The following ABCB1 variants were observed in gnomAD, a reference collection of about 807,000 sequenced individuals.
The protein encoded by ABCB1 is ATP binding cassette subfamily B member 1.
Under a neutral mutation model 142.0 loss-of-function variants are expected in ABCB1, and 69 were observed. The observed-to-expected ratio is 0.49, with a 90% CI of 0.40 to 0.59. The LOEUF is 0.59. ABCB1 is among the 20% of genes least tolerant of loss of function. The probability of loss-of-function intolerance (pLI) is 0.00; values close to 1 mark genes in which losing one functional copy is unlikely to be tolerated. For synonymous variants in ABCB1, 532 were observed against 539.2 expected, an observed-to-expected ratio of 0.99 and a Z score of 0.18; for missense variants, 1,326 against 1,554.7, an observed-to-expected ratio of 0.85 and a Z score of 2.47.
intron 2 of ABCB1, 146 bp from the exon 3 acceptor site, chr7:87,595,960 T>A (rs530573085): frequency 1.2e-4 from 80 of 656,184 alleles, no homozygotes; most frequent in Non-Finnish European, 2.0e-4. Context: ...ATGATAATAG[T>A]ATGACCCCAT....
At chr7:87,662,823 A>G (rs1259179292) in intron 1 of ABCB1, among the ~76,000 whole-genome samples, 1 of 152,140 alleles carries the variant, frequency 6.6e-6, no homozygotes, top group Non-Finnish European at 1.5e-5. Context: ...ATTGCATTGA[A>G]TATGTATACT....
At chr7:87,628,970 ACCAGCCT>A (rs778655963) in intron 1 of ABCB1, 1 of 1,306,982 alleles carries the variant, frequency 7.7e-7, no homozygotes, top group Admixed American at 3.1e-5. Flanking sequence ...GGCGAGGGGA[ACCAGCCT>A]CCCGCCGGGG....
At chr7:87,640,209 T>TA (rs1227129881) in intron 1 of ABCB1, among the ~76,000 whole-genome samples, 1 of 149,548 alleles carries the variant, frequency 6.7e-6, no homozygotes, top group African/African-American at 2.4e-5. Context: ...TATATATATA[T>TA]TAAATCTTAC....
intron 1 of ABCB1, among the ~76,000 whole-genome samples, chr7:87,684,072 A>G (rs1827203803): frequency 1.3e-5 from 2 of 152,226 alleles, no homozygotes; most frequent in Non-Finnish European, 2.9e-5. Flanking sequence ...ATAGAAAAGC[A>G]TTTGACAAAA....
chr7:87,656,984 T>C (rs573501322), intron 1 of ABCB1, among the ~76,000 whole-genome samples: 29 of 152,286 alleles, frequency 1.9e-4, no homozygotes, highest in Admixed American at 2.6e-4. Flanking sequence ...TCATAGCTTC[T>C]ATCATATCAA....
At chr7:87,634,323 A>C (rs1821526034) in intron 1 of ABCB1, among the ~76,000 whole-genome samples, 1 of 152,164 alleles carries the variant, frequency 6.6e-6, no homozygotes, top group African/African-American at 2.4e-5. Flanking sequence ...AATCCTTTAA[A>C]GAACTTTAAA....
At chr7:87,560,371 C>G (rs192912642) in intron 8 of ABCB1, among the ~76,000 whole-genome samples, 179 of 152,214 alleles carry the variant, frequency 1.2e-3, no homozygotes, top group African/African-American at 4.1e-3. Context: ...CACATATGCA[C>G]AGTTAAAAAA....
intron 24 of ABCB1, among the ~76,000 whole-genome samples, chr7:87,515,768 T>A (rs949535859): frequency 2.0e-5 from 3 of 151,736 alleles, no homozygotes; most frequent in Non-Finnish European, 2.9e-5. Flanking sequence ...TCTTTTTTTT[T>A]TTATTTTTAT....
At chr7:87,627,311 A>G (rs1175618755) in intron 1 of ABCB1, among the ~76,000 whole-genome samples, 1 of 152,232 alleles carries the variant, frequency 6.6e-6, no homozygotes, top group African/African-American at 2.4e-5. Context: ...AAAACTATAT[A>G]TTCTCTGACA....
rs1584911855 is a variant in ABCB1 at position 87,596,589 on chromosome 7, A to G, written c.69-775T>C. ...ATGTGAAAGCAAACCAACCGTAACA[A>G]ATCTGCCTCATCTGTATTTTTGTAG... On this transcript the variant is annotated intron_variant, in intron 2 of 27. Transcript: ENST00000622132. 6.6e-6 allele frequency among the ~76,000 whole-genome samples: 1 copy of G among 152,060 alleles called. No homozygotes were observed. The highest frequency in any genetic ancestry group is 1.5e-5 in the Non-Finnish European group (1 of 67,950).
intron 13 of ABCB1, 51 bp from the exon 14 acceptor site, chr7:87,549,569 T>C (rs1378203178): frequency 6.2e-7 from 1 of 1,613,298 alleles, no homozygotes; most frequent in Admixed American, 1.7e-5. Flanking sequence ...CTATCTCAGC[T>C]CATATTTTAA....
intron 1 of ABCB1, among the ~76,000 whole-genome samples, chr7:87,651,702 T>C (rs984775765): frequency 6.6e-6 from 1 of 152,134 alleles, no homozygotes; most frequent in South Asian, 2.1e-4. Context: ...ACATAACTTA[T>C]GAGCATCTCA....
intron 20 of ABCB1, among the ~76,000 whole-genome samples, chr7:87,533,376 C>A (rs1816146789): frequency 3.9e-5 from 6 of 152,056 alleles, no homozygotes. Context: ...AATTACCTGG[C>A]TATTTAACTT....
chr7:87,521,790 T>C (rs2117101246), intron 21 of ABCB1: 1 of 795,914 alleles, frequency 1.3e-6, no homozygotes, highest in Non-Finnish European at 2.2e-6. Flanking sequence ...AGATATTTGT[T>C]GGTGGCATTA....
intron 1 of ABCB1, among the ~76,000 whole-genome samples, chr7:87,680,556 G>A (rs1480690824): frequency 1.3e-5 from 2 of 150,778 alleles, no homozygotes; most frequent in Non-Finnish European, 2.9e-5. Flanking sequence ...ACTTAGGGAG[G>A]CCAAGGCGAG....
intron 18 of ABCB1, 70 bp downstream of exon 18, chr7:87,541,287 T>C (rs1232520769): frequency 9.3e-7 from 1 of 1,079,418 alleles, no homozygotes; most frequent in Non-Finnish European, 1.4e-6. Context: ...TACACTGATG[T>C]TTATAAATCC....
chr7:87,656,227 A>C (rs1326627586), intron 1 of ABCB1, among the ~76,000 whole-genome samples: 1 of 152,150 alleles, frequency 6.6e-6, no homozygotes, highest in African/African-American at 2.4e-5. Context: ...CATGTATATC[A>C]TATATACAAT....
At chr7:87,675,653 C>CAAAAAAAAAAAAAAAAAAAAGAA (rs200136132) in intron 1 of ABCB1, among the ~76,000 whole-genome samples, 1 of 65,848 alleles carries the variant, frequency 1.5e-5, no homozygotes. Context: ...TATTCACATG[C>CAAAAAAAAAAAAAAAAAAAAGAA]AAAAAAAAAA....
chr7:87,617,376 A>T (rs898135453), intron 1 of ABCB1, among the ~76,000 whole-genome samples: 3 of 152,256 alleles, frequency 2.0e-5, no homozygotes, highest in African/African-American at 7.2e-5. Context: ...CCCATATATT[A>T]TAAAGGAGAT....
Sources: gnomAD v4.1 joint callset for allele counts (sites outside exome capture counted in the v4.1 genomes callset) on GRCh38, gnomAD v4.1.1 for gene constraint, MANE v1.5 for transcripts, NCBI Gene and HGNC (gene_info 2026-07-23, HGNC 2026-07-21) for gene names.